The following INPP5F variants were observed in gnomAD, a reference collection of about 807,000 sequenced individuals.
The protein encoded by INPP5F is inositol polyphosphate-5-phosphatase F, also known as phosphatidylinositide 4-phosphatase SAC2.
A neutral mutation model predicts 137.2 loss-of-function variants in INPP5F; 97 were observed. That is an observed-to-expected ratio of 0.71 (90% confidence interval 0.60 to 0.84). The LOEUF (loss-of-function observed/expected upper bound fraction) is 0.84. Ranked by LOEUF, INPP5F falls within the 40% of genes least tolerant of loss-of-function variation. The probability of loss-of-function intolerance (pLI) is 0.00; values close to 1 mark genes in which losing one functional copy is unlikely to be tolerated. For missense variants in INPP5F, 1,271 were observed against 1,371.9 expected (o/e 0.93, Z 1.16); for synonymous variants, 504 against 476.9 (o/e 1.06, Z -0.74).
chr10:119,812,050 A>G lies in INPP5F; in HGVS notation c.1886+95A>G, dbSNP rs150047955. The G allele has an allele frequency of 4.4e-4, 411 of 941,494 alleles. No homozygotes were observed. The African/African-American group carries it at 6.2e-3, about 14-fold the overall frequency. 58.3% of individuals were successfully genotyped at this position (941,494 alleles called of 1,614,324 possible). On this transcript the variant is annotated intron_variant, in intron 15 of 19. Coordinates refer to ENST00000650623, the MANE Select transcript of INPP5F (RefSeq NM_014937.4). ...GGCAGTTGTCCCTAAAGCTGTGGGC[A>G]TGGATGCATGGCGCGTGACTATTTC... is the stretch of plus-strand genomic sequence containing the variant.
rs1363781913 is a variant in INPP5F at position 119,810,874 on chromosome 10, C to T, written c.1687+657C>T. ...TAGCTGACCTGTGGTCCCTGAGGGT[C>T]TTTTTGAAATCTTATTTCTTCACCT... On this transcript the variant is annotated intron_variant, in intron 14 of 19. Coordinates refer to ENST00000650623, the MANE Select transcript of INPP5F (RefSeq NM_014937.4). 3.3e-5 allele frequency among the ~76,000 whole-genome samples: 5 copies of T among 152,148 alleles called. No individual in the cohort carries two copies. The East Asian group carries it at 7.7e-4, about 23-fold the overall frequency.
At chr10:119,738,928 T>C (rs539662595) in intron 1 of INPP5F, among the ~76,000 whole-genome samples, 1 of 152,156 alleles carries the variant, frequency 6.6e-6, no homozygotes, top group Non-Finnish European at 1.5e-5. Context: ...ATGCCTGTAA[T>C]CCCAGCATTT....
chr10:119,771,851 T>G (rs1167425131), intron 2 of INPP5F, among the ~76,000 whole-genome samples: 51 of 5,308 alleles, frequency 9.6e-3, no homozygotes, highest in Admixed American at 0.016. Context: ...TGGAGATATA[T>G]ATATATATAT....
At chr10:119,804,022 GATTA>G in intron 9 of INPP5F, 147 bp from the exon 10 acceptor site, 1 of 525,910 alleles carries the variant, frequency 1.9e-6, no homozygotes, top group Non-Finnish European at 3.2e-6. Flanking sequence ...TGTTTGAGTG[GATTA>G]ATTTCTAAGT....
intron 16 of INPP5F, among the ~76,000 whole-genome samples, chr10:119,822,229 C>T (rs1851596770): frequency 6.6e-6 from 1 of 152,050 alleles, no homozygotes; most frequent in Non-Finnish European, 1.5e-5. Flanking sequence ...AACTTATTTT[C>T]CCTTAGCTGT....
intron 2 of INPP5F, among the ~76,000 whole-genome samples, chr10:119,757,451 A>G (rs1345484665): frequency 6.6e-6 from 1 of 152,034 alleles, no homozygotes; most frequent in Non-Finnish European, 1.5e-5. Flanking sequence ...ATCTGTGAAA[A>G]ATCAACATTA....
At chr10:119,804,362 G>A (rs1850694092) in intron 10 of INPP5F, 65 bp downstream of exon 10, 2 of 1,302,770 alleles carry the variant, frequency 1.5e-6, no homozygotes, top group African/African-American at 1.5e-5. Context: ...CTGCCACAGG[G>A]ACCTTAGTTT....
intron 1 of INPP5F, among the ~76,000 whole-genome samples, chr10:119,746,664 G>A (rs1848542614): frequency 2.0e-5 from 3 of 152,194 alleles, no homozygotes; most frequent in African/African-American, 7.2e-5. Context: ...TTGCAAACAT[G>A]TCAAAGAGTT....
At chr10:119,773,449 T>A (rs951938526) in intron 2 of INPP5F, among the ~76,000 whole-genome samples, 6 of 152,214 alleles carry the variant, frequency 3.9e-5, no homozygotes, top group Non-Finnish European at 8.8e-5. Flanking sequence ...GTTGATCCCG[T>A]CACTCAAATA....
At chr10:119,805,341 GATTAA>G (rs768812973) in intron 10 of INPP5F, 38 bp from the exon 11 acceptor site, 18 of 1,471,062 alleles carry the variant, frequency 1.2e-5, no homozygotes, top group East Asian at 2.3e-5. Context: ...AAAAATCTAT[GATTAA>G]ATTAAAGATT....
In INPP5F at chr10:119,798,617, T is replaced by C. The variant is rs751426215; in HGVS notation, c.1116+7T>C. The C allele has an allele frequency of 2.0e-5, 32 of 1,600,028 alleles. No individual in the cohort carries two copies. In the East Asian group the frequency reaches 2.7e-4, roughly 13 times the overall value. On this transcript the variant is annotated splice_region_variant and intron_variant, in intron 9 of 19. Transcript: ENST00000650623. ...GAACATTTACAAAAAACAGGTGGGC[T>C]TTGATTTACAGTAGTAAAATGTTCC...
In INPP5F at chr10:119,772,177, T is replaced by C. The variant is rs565709805; in HGVS notation, c.179-9458T>C. ...CCTCCCAAAGTGCTGGGATTACAGGTGTGAGCCACTGCACCTGACCTATCT... is the reference window on the plus strand; with the variant it reads ...CCTCCCAAAGTGCTGGGATTACAGGCGTGAGCCACTGCACCTGACCTATCT... On this transcript the variant is annotated intron_variant, in intron 2 of 19. Coordinates refer to ENST00000650623, the MANE Select transcript of INPP5F (RefSeq NM_014937.4). Among the ~76,000 whole-genome samples the C allele has an allele frequency of 9.2e-5, 14 of 151,880 alleles. No homozygotes were observed. The East Asian group carries it at 2.1e-3, about 23-fold the overall frequency.
At chr10:119,732,243 G>C (rs12781640) in intron 1 of INPP5F, among the ~76,000 whole-genome samples, 6,586 of 151,838 alleles carry the variant, frequency 0.043, 238 homozygotes, top group South Asian at 0.22. Context: ...CGCCACGTTG[G>C]CCACGCTGGT....
At chr10:119,805,252 GTAT>G in intron 10 of INPP5F, 129 bp from the exon 11 acceptor site, 1 of 637,670 alleles carries the variant, frequency 1.6e-6, no homozygotes, top group South Asian at 2.0e-5. Context: ...ATATATAGTA[GTAT>G]TAACCTCATA....
intron 1 of INPP5F, among the ~76,000 whole-genome samples, chr10:119,728,604 TG>T (rs1847958665): frequency 6.6e-6 from 1 of 152,238 alleles, no homozygotes; most frequent in Non-Finnish European, 1.5e-5. Context: ...AAAAAGCTTG[TG>T]GGCATCGTGG....
rs1849847237 is a variant in INPP5F at position 119,785,286 on chromosome 10, G to GTTTTTTTTTTTGTTTTTTT, written c.315+3526_315+3527insGTTTTTTTTTTTTTTTTTT. ...TAACCTTTTGTGGAACTGCCAGACTGTTTTTTTTTTTTTTTTGGAGACGGA... is the reference window on the plus strand; with the variant it reads ...TAACCTTTTGTGGAACTGCCAGACTGTTTTTTTTTTTGTTTTTTTTTTTTTTTTTTTTTTTGGAGACGGA... On this transcript the variant is annotated intron_variant, in intron 3 of 19. Transcript: ENST00000650623. 1.9e-4 allele frequency among the ~76,000 whole-genome samples: 20 copies of GTTTTTTTTTTTGTTTTTTT among 106,232 alleles called. 1 individual carries two copies. Among genetic ancestry groups the GTTTTTTTTTTTGTTTTTTT allele is most frequent in the African/African-American group, 6.7e-4 (18 of 26,798 alleles). The allele number at this position is 106,232 out of a possible 152,430, so 69.7% of individuals were successfully genotyped here. A position where few individuals can be genotyped will look rare whatever the true frequency, so the allele number is the denominator to read the frequency against.
chr10:119,817,937 C>CA (rs1156241449), intron 15 of INPP5F, among the ~76,000 whole-genome samples: 1 of 152,268 alleles, frequency 6.6e-6, no homozygotes, highest in Non-Finnish European at 1.5e-5. Context: ...ACTGCAGTCC[C>CA]AGCTGCGTTT....
chr10:119,790,134 A>G (rs1850085977), intron 3 of INPP5F, among the ~76,000 whole-genome samples: 1 of 151,962 alleles, frequency 6.6e-6, no homozygotes, highest in Non-Finnish European at 1.5e-5. Context: ...GTAAGAGGAC[A>G]GCAGTGGCTG....
At chr10:119,809,719 AT>A (rs1475724212) in intron 13 of INPP5F, among the ~76,000 whole-genome samples, 1 of 152,110 alleles carries the variant, frequency 6.6e-6, no homozygotes, top group East Asian at 1.9e-4. Context: ...AACTAGCCAC[AT>A]TTTCCCATGT....
Sources: allele counts gnomAD v4.1 joint callset (sites outside exome capture counted in the v4.1 genomes callset), GRCh38; gene constraint gnomAD v4.1.1; transcripts MANE v1.5; gene names NCBI Gene and HGNC (gene_info 2026-07-23, HGNC 2026-07-21).